P2RX7: variants seen among roughly 807,000 people sequenced by gnomAD.
The protein encoded by P2RX7 is purinergic receptor P2X 7.
Under a neutral mutation model 71.6 loss-of-function variants are expected in P2RX7, and 62 were observed. The ratio of observed to expected loss-of-function variants is 0.87; its 90% CI spans 0.71 to 1.07. The LOEUF (loss-of-function observed/expected upper bound fraction) is 1.07, where lower values mean the gene tolerates loss of function less well. Among genes scored for constraint, P2RX7 ranks in the 50% least tolerant of loss-of-function variants. The pLI, the probability that P2RX7 is intolerant of heterozygous loss-of-function variation, is 0.00. For synonymous variants in P2RX7, 299 were observed against 283.3 expected (o/e 1.06, Z -0.56); for missense variants, 686 against 748.5 (o/e 0.92, Z 0.97).
chr12:121,166,222 G>A, intron 7 of P2RX7, 35 bp downstream of exon 7: 1 of 1,601,974 alleles, frequency 6.2e-7, no homozygotes. Flanking sequence ...ATGTGGGGCT[G>A]TGTGTCTAGG....
chr12:121,164,344 G>T (rs1457483961), intron 5 of P2RX7, among the ~76,000 whole-genome samples: 1 of 152,192 alleles, frequency 6.6e-6, no homozygotes, highest in African/African-American at 2.4e-5. Flanking sequence ...ACGCATAAGA[G>T]ACTTTGCTAA....
chr12:121,173,859 C>T (rs1183009719), intron 8 of P2RX7, among the ~76,000 whole-genome samples: 2 of 151,978 alleles, frequency 1.3e-5, no homozygotes, highest in African/African-American at 4.8e-5. Flanking sequence ...CTCACAAAAG[C>T]TGGATTGCAG....
chr12:121,144,443 C>A (rs983465700), intron 1 of P2RX7, among the ~76,000 whole-genome samples: 4 of 152,196 alleles, frequency 2.6e-5, no homozygotes, highest in African/African-American at 9.6e-5. Context: ...AATGGGCCAC[C>A]CGCCTTGGCC....
chr12:121,134,505 C>T (rs992942784), intron 1 of P2RX7, among the ~76,000 whole-genome samples: 3 of 152,188 alleles, frequency 2.0e-5, no homozygotes, highest in Admixed American at 1.3e-4. Flanking sequence ...GATTCTCCTG[C>T]CTCAGCCTCA....
rs1878194763 is a variant in P2RX7 at position 121,154,678 on chromosome 12, C to T, written c.126-107C>T. 1.7e-5 allele frequency: 13 copies of T among 776,200 alleles called. No homozygotes were observed. The highest frequency in any genetic ancestry group is 8.8e-5 in the Admixed American group (5 of 56,890). The allele number at this position is 776,200 out of a possible 1,614,324, so 48.1% of individuals were successfully genotyped here. ...AAACAAGTCACACGGAAGCAAGTCA[C>T]GCAGCAGAGCTAGGATTGGAACAGA... On this transcript the variant is annotated intron_variant, in intron 1 of 12. Transcript: ENST00000328963. The surrounding 1 kb of genome is among the most constrained non-coding windows in gnomAD (Gnocchi z 4.2).
In P2RX7 at chr12:121,151,116, T is replaced by C. The variant is rs187993069; in HGVS notation, c.126-3669T>C. On this transcript the variant is annotated intron_variant, in intron 1 of 12. Coordinates refer to ENST00000328963, the MANE Select transcript of P2RX7 (RefSeq NM_002562.6). ...GGCTGCACCTGCAGCCTGAGCTACT[T>C]GGGAGGCTGAGATGGGAGGATCACT... is the stretch of plus-strand genomic sequence containing the variant. Among the ~76,000 whole-genome samples, 345 of 152,290 alleles carry C rather than the reference T, an allele frequency of 2.3e-3. 2 individuals carry two copies. The highest frequency in any genetic ancestry group is 7.7e-3 in the African/African-American group (321 of 41,562).
chr12:121,156,907 A>C (rs1005064166), intron 3 of P2RX7, among the ~76,000 whole-genome samples: 3 of 152,144 alleles, frequency 2.0e-5, no homozygotes, highest in African/African-American at 7.2e-5. Flanking sequence ...TAATCTCAGC[A>C]CTTTGGGAGG....
intron 4 of P2RX7, 22 bp downstream of exon 4, chr12:121,160,996 G>A (rs762607910): frequency 1.3e-5 from 20 of 1,584,900 alleles, no homozygotes; most frequent in East Asian, 2.2e-5. Flanking sequence ...TTCTTTTCCC[G>A]AGACCCTAGG....
At chr12:121,163,423 T>C (rs149130739) in intron 5 of P2RX7, among the ~76,000 whole-genome samples, 191 of 151,602 alleles carry the variant, frequency 1.3e-3, no homozygotes, top group Non-Finnish European at 2.0e-3. Context: ...CACTGTCCAA[T>C]TGAACTTGAT....
At chr12:121,162,385 T>G in intron 4 of P2RX7, 39 bp from the exon 5 acceptor site, 1 of 1,612,268 alleles carries the variant, frequency 6.2e-7, no homozygotes, top group Non-Finnish European at 8.5e-7. Flanking sequence ...TCCGCAGTTC[T>G]TTCACATCTG....
At chr12:121,182,844 A>C (rs1402282075) in intron 12 of P2RX7, among the ~76,000 whole-genome samples, 1 of 152,202 alleles carries the variant, frequency 6.6e-6, no homozygotes, top group South Asian at 2.1e-4. Flanking sequence ...TTACTTTATA[A>C]ATTTTTAAAT....
At position 121,184,502 on chromosome 12, in the gene P2RX7, G is replaced by A. The variant is rs772832687; in HGVS notation, c.1488G>A (p.Glu496=). The part of the protein sequence containing the change: ...QLPESHRCLE[E]LCCRKKPGAC... ...CTGAGAGCCACAGGTGCCTGGAGGAGCTGTGCTGCCGGAAAAAGCCGGGGG... is the reference window on the plus strand; with the variant it reads ...CTGAGAGCCACAGGTGCCTGGAGGAACTGTGCTGCCGGAAAAAGCCGGGGG... Residue 496 remains glutamate, a synonymous_variant, in exon 13 of 13, where the codon GAG becomes GAA. Coordinates refer to ENST00000328963, the MANE Select transcript of P2RX7 (RefSeq NM_002562.6). 5.6e-6 allele frequency: 9 copies of A among 1,614,086 alleles called. No homozygotes were observed. Among genetic ancestry groups the A allele is most frequent in the Admixed American group, 1.7e-5 (1 of 59,992 alleles).
chr12:121,156,996 A>T (rs1320380289), intron 3 of P2RX7, among the ~76,000 whole-genome samples: 2 of 152,162 alleles, frequency 1.3e-5, no homozygotes, highest in Non-Finnish European at 2.9e-5. Context: ...TCTAAAAACA[A>T]AACAAAACAA....
intron 8 of P2RX7, among the ~76,000 whole-genome samples, chr12:121,168,656 G>A (rs1490725861): frequency 6.6e-6 from 1 of 152,164 alleles, no homozygotes; most frequent in African/African-American, 2.4e-5. Flanking sequence ...GTTTCTGGAA[G>A]ATGATTTGCC....
intron 1 of P2RX7, among the ~76,000 whole-genome samples, chr12:121,138,567 T>C (rs912800884): frequency 1.3e-5 from 2 of 152,166 alleles, no homozygotes; most frequent in African/African-American, 2.4e-5. Context: ...ATCCAGTGGA[T>C]TTTCCTTAGG....
chr12:121,149,191 A>T lies in P2RX7; in HGVS notation c.126-5594A>T, dbSNP rs1258570876. ...GAACGACTTTATGGTGGGCACCTTC[A>T]TCTCCATCTGGTGGGTCCAGAGCAA... is the stretch of plus-strand genomic sequence containing the variant. On this transcript the variant is annotated intron_variant, in intron 1 of 12. Coordinates refer to ENST00000328963, the MANE Select transcript of P2RX7 (RefSeq NM_002562.6). The surrounding 1 kb of genome is among the most constrained non-coding windows in gnomAD (Gnocchi z 4.7). 1 of 400,400 alleles carries T rather than the reference A, an allele frequency of 2.5e-6. No individual in the cohort carries two copies. Among genetic ancestry groups the T allele is most frequent in the Non-Finnish European group, 5.0e-6 (1 of 201,624 alleles). The allele number at this position is 400,400 out of a possible 1,614,324, so 24.8% of individuals were successfully genotyped here.
At chr12:121,175,236 A>C in intron 8 of P2RX7, 152 bp from the exon 9 acceptor site, 1 of 540,890 alleles carries the variant, frequency 1.8e-6, no homozygotes, top group East Asian at 2.8e-5. Flanking sequence ...ATCTGAGCCT[A>C]GCAAGTCAAG....
intron 4 of P2RX7, 110 bp from the exon 5 acceptor site, chr12:121,162,314 G>T: frequency 1.3e-6 from 2 of 1,490,356 alleles, no homozygotes; most frequent in East Asian, 2.4e-5. Context: ...TGGAAAGCCT[G>T]GTCAAAGCCT....
At chr12:121,165,679 CT>C (rs1163924439) in intron 6 of P2RX7, among the ~76,000 whole-genome samples, 5 of 152,226 alleles carry the variant, frequency 3.3e-5, no homozygotes, top group Admixed American at 1.3e-4. Context: ...TTTCCAAGCT[CT>C]CACACAGTTG....
Sources: allele counts gnomAD v4.1 joint callset (sites outside exome capture counted in the v4.1 genomes callset), GRCh38; gene constraint gnomAD v4.1.1; non-coding constraint Gnocchi (gnomAD v3.1); transcripts MANE v1.5; gene names NCBI Gene and HGNC (gene_info 2026-07-23, HGNC 2026-07-21).